The following CFAP61 variants were observed in gnomAD, a reference collection of about 807,000 sequenced individuals.
CFAP61 encodes the protein cilia and flagella associated protein 61.
A neutral mutation model predicts 135.6 loss-of-function variants in CFAP61; 107 were observed. That is an observed-to-expected ratio of 0.79 (90% confidence interval 0.67 to 0.93). The LOEUF (loss-of-function observed/expected upper bound fraction) is 0.93. Ranked by LOEUF, CFAP61 falls within the 40% of genes least tolerant of loss-of-function variation. The probability of loss-of-function intolerance (pLI) is 0.00; values close to 1 mark genes in which losing one functional copy is unlikely to be tolerated. For synonymous variants in CFAP61, 575 were observed against 578.5 expected, an observed-to-expected ratio of 0.99 and a Z score of 0.09; for missense variants, 1,507 against 1,556.2, an observed-to-expected ratio of 0.97 and a Z score of 0.53.
chr20:20,118,253 G>GTTTGTTTCTTTCTTTC (rs1555872842), intron 8 of CFAP61, among the ~76,000 whole-genome samples: 2 of 138,532 alleles, frequency 1.4e-5, no homozygotes, highest in African/African-American at 5.5e-5. Flanking sequence ...TTTGAGGTAT[G>GTTTGTTTCTTTCTTTC]TTTCTTTCTT....
chr20:20,097,473 T>C (rs2047668275), intron 7 of CFAP61, among the ~76,000 whole-genome samples: 1 of 152,228 alleles, frequency 6.6e-6, no homozygotes, highest in Non-Finnish European at 1.5e-5. Context: ...AATACAGAAT[T>C]ACTTAAGGGA....
intron 14 of CFAP61, among the ~76,000 whole-genome samples, chr20:20,189,154 A>G (rs1248428935): frequency 6.6e-6 from 1 of 152,196 alleles, no homozygotes; most frequent in African/African-American, 2.4e-5. Flanking sequence ...AGTCATCAGG[A>G]GGGAGACGCC....
rs570183531 is a variant in CFAP61, at chr20:20,178,219, G to A, written c.1385+8759G>A. Among the ~76,000 whole-genome samples, 6 of 152,226 alleles carry A rather than the reference G, an allele frequency of 3.9e-5. No homozygotes were observed. In the South Asian group the frequency reaches 1.2e-3, roughly 32 times the overall value. On this transcript the variant is annotated intron_variant, in intron 13 of 26. Transcript: ENST00000245957. The stretch of plus-strand genomic sequence containing the variant: ...TTTTGTTTAGTGACTACAGGCCTTT[G>A]AGATGAGAACATTTCCTAATGTTTA...
intron 26 of CFAP61, among the ~76,000 whole-genome samples, chr20:20,354,774 C>T (rs1006154337): frequency 3.4e-5 from 5 of 146,896 alleles, no homozygotes; most frequent in East Asian, 2.1e-4. Context: ...GAGGTGGTCA[C>T]GCTGAGAGGG....
rs1200278123 is a variant in CFAP61 at position 20,091,089 on chromosome 20, C to T, written c.699+113C>T. 1.0e-5 allele frequency: 12 copies of T among 1,195,196 alleles called. No individual in the cohort carries two copies. In the East Asian group the frequency reaches 2.8e-4, roughly 28 times the overall value. 74.0% of individuals were successfully genotyped at this position (1,195,196 alleles called of 1,614,324 possible). On this transcript the variant is annotated intron_variant, in intron 7 of 26. Coordinates refer to ENST00000245957, the MANE Select transcript of CFAP61 (RefSeq NM_015585.4). ...GAGCTGCCATTGTCTCCCTGGCCAC[C>T]CCGGCCCTCCCACTGCCCTTCCAGG...
At chr20:20,171,931 G>A (rs1012691556) in intron 13 of CFAP61, 7 of 521,372 alleles carry the variant, frequency 1.3e-5, no homozygotes, top group African/African-American at 8.0e-5. Flanking sequence ...CAGCCCACAG[G>A]GAAGGGTGGA....
intron 8 of CFAP61, among the ~76,000 whole-genome samples, chr20:20,128,544 C>T (rs944830909): frequency 2.6e-5 from 4 of 151,644 alleles, no homozygotes; most frequent in Non-Finnish European, 2.9e-5. Context: ...GGCTGTCTCC[C>T]GGGTTCTGCA....
chr20:20,233,576 C>T (rs1390414205), intron 18 of CFAP61, among the ~76,000 whole-genome samples: 5 of 152,096 alleles, frequency 3.3e-5, no homozygotes, highest in Admixed American at 2.0e-4. Context: ...GCAGAGGGGA[C>T]GGTGGAAGGA....
intron 21 of CFAP61, chr20:20,265,399 T>TC (rs2052633980): frequency 2.6e-6 from 2 of 779,694 alleles, no homozygotes; most frequent in Non-Finnish European, 4.8e-6. Context: ...CTTTGTATTG[T>TC]CCTCTTGGTT....
At chr20:20,290,949 G>A (rs746507565) in intron 24 of CFAP61, among the ~76,000 whole-genome samples, 38 of 152,292 alleles carry the variant, frequency 2.5e-4, no homozygotes, top group South Asian at 8.3e-4. Flanking sequence ...CCCAGAGACC[G>A]TGAGATAATA....
At position 20,301,334 on chromosome 20, in the gene CFAP61, G is replaced by A. The variant is rs563118451; in HGVS notation, c.3422+2948G>A. ...ACCTGTACAAGTTTGTAACCTAGGAGCAACAGGGGCATATAGGCCAGGTGT... is the reference window on the plus strand; with the variant it reads ...ACCTGTACAAGTTTGTAACCTAGGAACAACAGGGGCATATAGGCCAGGTGT... On this transcript the variant is annotated intron_variant, in intron 25 of 26. Coordinates refer to ENST00000245957, the MANE Select transcript of CFAP61 (RefSeq NM_015585.4). Among the ~76,000 whole-genome samples, 69 of 152,308 alleles carry A rather than the reference G, an allele frequency of 4.5e-4. No individual in the cohort carries two copies. In the South Asian group the frequency reaches 0.014, roughly 31 times the overall value.
chr20:20,203,867 A>G (rs2056742942), intron 17 of CFAP61, among the ~76,000 whole-genome samples: 1 of 152,124 alleles, frequency 6.6e-6, no homozygotes, highest in Admixed American at 6.5e-5. Context: ...CTGGCCTCCT[A>G]GGTGACACGA....
intron 24 of CFAP61, among the ~76,000 whole-genome samples, chr20:20,292,890 C>G (rs1287516362): frequency 8.3e-6 from 1 of 120,090 alleles, no homozygotes; most frequent in Non-Finnish European, 1.8e-5. Flanking sequence ...TTGGAGCAGT[C>G]ACAGCAACCA....
At chr20:20,173,999 A>G (rs1170229261) in intron 13 of CFAP61, among the ~76,000 whole-genome samples, 1 of 152,190 alleles carries the variant, frequency 6.6e-6, no homozygotes, top group Non-Finnish European at 1.5e-5. Context: ...CTTTTAAATG[A>G]TGAGTCTTTC....
At chr20:20,312,037 A>T (rs1375626139) in intron 25 of CFAP61, among the ~76,000 whole-genome samples, 1 of 152,234 alleles carries the variant, frequency 6.6e-6, no homozygotes, top group Non-Finnish European at 1.5e-5. Context: ...TTTCCAAGTA[A>T]CTTATCTACA....
chr20:20,261,459 C>T (rs1163008604), intron 20 of CFAP61, among the ~76,000 whole-genome samples: 2 of 152,198 alleles, frequency 1.3e-5, no homozygotes, highest in East Asian at 3.9e-4. Flanking sequence ...CTGAGTGCAG[C>T]AAGCCAGTGG....
chr20:20,142,859 G>A lies in CFAP61; in HGVS notation c.862G>A (p.Ala288Thr), dbSNP rs2051524682. Reference sequence around the variant, plus strand: ...TTATTCTATCCCTTCTCTCAAAGATGCTGAGCTCAGGAGTAGCAGCCAAGG... The same window carrying A: ...TTATTCTATCCCTTCTCTCAAAGATACTGAGCTCAGGAGTAGCAGCCAAGG... The part of the protein sequence containing the change: ...QDLSVRRSQD[A>T]ELRSSSQGSQ... The change falls in exon 9 of 27, where the codon GCT becomes ACT. Residue 288 changes from alanine (A) to threonine (T), a missense_variant and splice_region_variant. Transcript: ENST00000245957. 1.9e-6 allele frequency: 3 copies of A among 1,587,010 alleles called. No individual in the cohort carries two copies. The highest frequency in any genetic ancestry group is 2.6e-6 in the Non-Finnish European group (3 of 1,159,766).
rs762438394 is a variant in CFAP61, at chr20:20,075,275, C to A, written c.439+19C>A. 1 of 1,611,352 alleles carries A rather than the reference C, an allele frequency of 6.2e-7. No homozygotes were observed. Among genetic ancestry groups the A allele is most frequent in the Admixed American group, 1.7e-5 (1 of 60,028 alleles). On this transcript the variant is annotated intron_variant, in intron 5 of 26. Coordinates refer to ENST00000245957, the MANE Select transcript of CFAP61 (RefSeq NM_015585.4). ...AGCCTAGGTAAGGCCCGCCCAACCA[C>A]CTCTGGTCCCCGGTAGCAAACATTG...
At chr20:20,063,335 T>C (rs957757039) in intron 2 of CFAP61, among the ~76,000 whole-genome samples, 3 of 152,186 alleles carry the variant, frequency 2.0e-5, no homozygotes, top group Non-Finnish European at 4.4e-5. Context: ...TTAATGTTCA[T>C]GCCTTGCTCA....
Sources: gnomAD v4.1 joint callset for allele counts (sites outside exome capture counted in the v4.1 genomes callset) on GRCh38, gnomAD v4.1.1 for gene constraint, MANE v1.5 for transcripts, NCBI Gene and HGNC (gene_info 2026-07-23, HGNC 2026-07-21) for gene names.